The following FHIT variants were observed in gnomAD, a reference collection of about 807,000 sequenced individuals.
The protein encoded by FHIT is fragile histidine triad diadenosine triphosphatase.
Under a neutral mutation model 17.9 loss-of-function variants are expected in FHIT, and 19 were observed. The observed-to-expected ratio is 1.06, with a 90% CI of 0.74 to 1.56. The LOEUF (loss-of-function observed/expected upper bound fraction) is 1.56. Ranked by LOEUF, FHIT falls within the 40% of genes most tolerant of loss-of-function variation. FHIT has a pLI of 0.00. For synonymous variants in FHIT, 81 were observed against 69.7 expected (o/e 1.16, Z -0.81); for missense variants, 248 against 189.2 (o/e 1.31, Z -1.82).
chr3:60,547,447 C>G (rs531532150), intron 4 of FHIT, among the ~76,000 whole-genome samples: 5 of 151,868 alleles, frequency 3.3e-5, no homozygotes, highest in African/African-American at 1.2e-4. Context: ...GAAGTAGATA[C>G]ATAAATGAAA....
chr3:60,524,032 G>C (rs1305697436), intron 5 of FHIT, among the ~76,000 whole-genome samples: 12 of 152,096 alleles, frequency 7.9e-5, no homozygotes, highest in Non-Finnish European at 1.6e-4. Flanking sequence ...GAGCTAAAAA[G>C]CCAACATGGT....
chr3:60,004,333 G>A (rs1307237617), intron 7 of FHIT, among the ~76,000 whole-genome samples: 1 of 152,098 alleles, frequency 6.6e-6, no homozygotes, highest in East Asian at 1.9e-4. Flanking sequence ...AAATTAAACA[G>A]CCAAATATCC....
At chr3:60,753,732 A>T (rs554285086) in intron 4 of FHIT, among the ~76,000 whole-genome samples, 1 of 152,348 alleles carries the variant, frequency 6.6e-6, no homozygotes, top group Admixed American at 6.5e-5. Context: ...ACAAAAGAAG[A>T]AAGTAAAATT....
chr3:60,996,261 G>C (rs1296327963), intron 3 of FHIT, among the ~76,000 whole-genome samples: 1 of 152,124 alleles, frequency 6.6e-6, no homozygotes, highest in Non-Finnish European at 1.5e-5. Flanking sequence ...GCTTTCAACA[G>C]GTTATCCAAA....
At chr3:60,715,098 T>C (rs111447010) in intron 4 of FHIT, among the ~76,000 whole-genome samples, 1 of 151,996 alleles carries the variant, frequency 6.6e-6, no homozygotes, top group Non-Finnish European at 1.5e-5. Context: ...TATAGATCAA[T>C]GGAACAGAAC....
chr3:60,485,369 C>A (rs952365779), intron 5 of FHIT, among the ~76,000 whole-genome samples: 2 of 152,200 alleles, frequency 1.3e-5, no homozygotes, highest in African/African-American at 4.8e-5. Flanking sequence ...TTTAGTGCAG[C>A]GTCATTTACA....
intron 5 of FHIT, among the ~76,000 whole-genome samples, chr3:60,119,963 C>A (rs1705171799): frequency 6.6e-6 from 1 of 152,128 alleles, no homozygotes; most frequent in Admixed American, 6.6e-5. Context: ...CCTTACCCTG[C>A]CTTTCTGGTA....
chr3:61,169,740 T>G (rs2037947916), intron 2 of FHIT, among the ~76,000 whole-genome samples: 1 of 152,182 alleles, frequency 6.6e-6, no homozygotes, highest in African/African-American at 2.4e-5. Context: ...GTTAAAATGG[T>G]AAGGAAGACT....
At chr3:60,883,017 T>A (rs782545716) in intron 3 of FHIT, among the ~76,000 whole-genome samples, 1 of 152,122 alleles carries the variant, frequency 6.6e-6, no homozygotes, top group Non-Finnish European at 1.5e-5. Context: ...ATCAGTAAAG[T>A]TGCAGGATAC....
intron 5 of FHIT, among the ~76,000 whole-genome samples, chr3:60,516,757 A>G (rs2035174515): frequency 6.6e-6 from 1 of 152,240 alleles, no homozygotes; most frequent in African/African-American, 2.4e-5. Context: ...GCTTTGCAAG[A>G]AGCATCTCCG....
intron 7 of FHIT, among the ~76,000 whole-genome samples, chr3:59,994,927 C>T (rs1171207072): frequency 6.6e-6 from 1 of 152,080 alleles, no homozygotes; most frequent in Non-Finnish European, 1.5e-5. Context: ...CAACAGATGG[C>T]AGAGTGTTTG....
chr3:61,250,661 C>G (rs550738340), intron 1 of FHIT, among the ~76,000 whole-genome samples: 1 of 151,842 alleles, frequency 6.6e-6, no homozygotes, highest in Non-Finnish European at 1.5e-5. Flanking sequence ...CCCACCACCA[C>G]CAACTTGGAT....
intron 1 of FHIT, among the ~76,000 whole-genome samples, chr3:61,219,544 C>T (rs1038485697): frequency 2.0e-5 from 3 of 152,094 alleles, no homozygotes. Flanking sequence ...ACATTTTCAC[C>T]TACAGTTACA....
intron 5 of FHIT, among the ~76,000 whole-genome samples, chr3:60,513,304 T>C (rs1174748553): frequency 1.3e-5 from 2 of 152,214 alleles, no homozygotes; most frequent in African/African-American, 4.8e-5. Flanking sequence ...TATTTACTTT[T>C]ATTCTGAATC....
chr3:60,424,875 A>G (rs1702606869), intron 5 of FHIT, among the ~76,000 whole-genome samples: 1 of 152,200 alleles, frequency 6.6e-6, no homozygotes, highest in African/African-American at 2.4e-5. Context: ...ATAGATGATC[A>G]AACAAAAATA....
chr3:61,101,652 G>T (rs116343779), intron 2 of FHIT, among the ~76,000 whole-genome samples: 1,547 of 152,134 alleles, frequency 0.01, 19 homozygotes, highest in Middle Eastern at 0.031. Context: ...GGCAGGATGG[G>T]CATTTTAATG....
intron 5 of FHIT, among the ~76,000 whole-genome samples, chr3:60,533,267 G>A (rs916690398): frequency 2.6e-5 from 4 of 152,154 alleles, no homozygotes; most frequent in African/African-American, 4.8e-5. Context: ...GATGGGAAAC[G>A]GGAAAAGGTG....
At chr3:61,063,461 A>C (rs2106707350) in intron 2 of FHIT, among the ~76,000 whole-genome samples, 1 of 152,228 alleles carries the variant, frequency 6.6e-6, no homozygotes, top group South Asian at 2.1e-4. Context: ...TACAGGCATA[A>C]AATTTTAAAA....
chr3:60,770,788 C>T (rs1200343925), intron 4 of FHIT, among the ~76,000 whole-genome samples: 1 of 152,150 alleles, frequency 6.6e-6, no homozygotes, highest in Admixed American at 6.5e-5. Flanking sequence ...GACATTGTTC[C>T]CAAAAGCTTA....
Sources: gnomAD v4.1 joint callset for allele counts (sites outside exome capture counted in the v4.1 genomes callset) on GRCh38, gnomAD v4.1.1 for gene constraint, MANE v1.5 for transcripts, NCBI Gene and HGNC (gene_info 2026-07-23, HGNC 2026-07-21) for gene names.